ADCY8: variants seen among roughly 807,000 people sequenced by gnomAD.
ADCY8 encodes adenylate cyclase type 8.
A neutral mutation model predicts 119.7 loss-of-function variants in ADCY8; 51 were observed. The observed-to-expected ratio is 0.43, with a 90% confidence interval of 0.34 to 0.54. The LOEUF is 0.54. ADCY8 is among the 20% of genes least tolerant of loss of function. The pLI is 0.03. For missense variants in ADCY8, 1,383 were observed against 1,598.8 expected (o/e 0.87, Z 2.30); for synonymous variants, 665 against 651.0 (o/e 1.02, Z -0.33).
Position 130,909,940 on chromosome 8 carries a change from CTTTTTTT to C in ADCY8, c.1482-81_1482-75del. On this transcript the variant is annotated intron_variant, in intron 5 of 17. Coordinates refer to ENST00000286355, the MANE Select transcript of ADCY8 (RefSeq NM_001115.3). ...CATCGTTGGCTCTGCACTTTCTTTT[CTTTTTTT>C]TTTTTTTTGAGACGGAGTTTTGCTC... is the stretch of plus-strand genomic sequence containing the variant. 2.8e-6 allele frequency: 3 copies of C among 1,066,284 alleles called. No individual in the cohort carries two copies. The South Asian group carries it at 5.1e-5, about 18-fold the overall frequency. 66.1% of individuals were successfully genotyped at this position (1,066,284 alleles called of 1,614,324 possible). A position where few individuals can be genotyped will look rare whatever the true frequency, so the allele number is the denominator to read the frequency against.
At chr8:130,875,375 C>A (rs1818522019) in intron 8 of ADCY8, among the ~76,000 whole-genome samples, 1 of 152,120 alleles carries the variant, frequency 6.6e-6, no homozygotes, top group Non-Finnish European at 1.5e-5. Flanking sequence ...CTTTAAAAAT[C>A]ATTTTAACAA....
In ADCY8 at chr8:130,837,630, C is replaced by T. The variant is rs369627974; in HGVS notation, c.2503-1181G>A. 1.5e-4 allele frequency among the ~76,000 whole-genome samples: 23 copies of T among 152,334 alleles called. 2 individuals carry two copies. The East Asian group carries it at 2.3e-3, about 15-fold the overall frequency. On this transcript the variant is annotated intron_variant, in intron 11 of 17. Transcript: ENST00000286355. Reference sequence around the variant, plus strand: ...CCAGATTTCAGCCTTTTATGGGAAGCTCCCCAGCCTATTCCTTCCCTTAGA... The same window carrying T: ...CCAGATTTCAGCCTTTTATGGGAAGTTCCCCAGCCTATTCCTTCCCTTAGA...
intron 7 of ADCY8, among the ~76,000 whole-genome samples, chr8:130,891,115 C>G (rs1209140181): frequency 6.6e-6 from 1 of 152,118 alleles, no homozygotes; most frequent in East Asian, 1.9e-4. Context: ...TTTCCCCAAC[C>G]TATTCTGGGA....
At chr8:131,020,356 C>T (rs1045447996) in intron 1 of ADCY8, among the ~76,000 whole-genome samples, 3 of 152,054 alleles carry the variant, frequency 2.0e-5, no homozygotes, top group East Asian at 1.9e-4. Flanking sequence ...GGAGAAGACA[C>T]GGATTGGATG....
rs150604515 is a variant in ADCY8 at position 130,943,244 on chromosome 8, A to G, written c.1353+107T>C. On this transcript the variant is annotated intron_variant, in intron 4 of 17. Coordinates refer to ENST00000286355, the MANE Select transcript of ADCY8 (RefSeq NM_001115.3). ...GGGTCCATGCCTAGGGACAGGATGC[A>G]GAATGGTAATGACATTGGGGAAGAA... 9.4e-4 allele frequency: 718 copies of G among 761,610 alleles called. 5 individuals are homozygous for G. The African/African-American group carries it at 0.011, about 11-fold the overall frequency. 47.2% of individuals were successfully genotyped at this position (761,610 alleles called of 1,614,324 possible).
chr8:130,972,475 A>G (rs777062284), intron 2 of ADCY8, among the ~76,000 whole-genome samples: 12 of 152,214 alleles, frequency 7.9e-5, no homozygotes, highest in Non-Finnish European at 1.6e-4. Context: ...TAAGGAAAAA[A>G]CAATTTGCAA....
intron 8 of ADCY8, among the ~76,000 whole-genome samples, chr8:130,873,062 A>T (rs2130417249): frequency 6.6e-6 from 1 of 152,354 alleles, no homozygotes; most frequent in African/African-American, 2.4e-5. Flanking sequence ...CAGATTTCTT[A>T]TCCACAGAGA....
chr8:130,836,278 C>G lies in ADCY8; in HGVS notation c.2674G>C (p.Glu892Gln), dbSNP rs1352477365. The change falls in exon 12 of 18, where the codon GAA becomes CAA. Residue 892 changes from glutamate to glutamine, a missense_variant and splice_region_variant. This residue lies in a region of ADCY8 where 928 missense variants were observed against 1,163.5 expected (regional missense o/e 0.80). Transcript: ENST00000286355. ...GGACTCACGGTGGTGGGCACTTACT[C>G]TCCACTGTGGTTGAGGTTGTCATAA... is the stretch of plus-strand genomic sequence containing the variant. ...LRYDNLNHSGEDFLGTKEVSL... is the reference protein window; with the variant it reads ...LRYDNLNHSGQDFLGTKEVSL... The G allele has an allele frequency of 6.2e-7, 1 of 1,610,760 alleles. No homozygotes were observed. Among genetic ancestry groups the G allele is most frequent in the Admixed American group, 1.7e-5 (1 of 59,638 alleles).
At chr8:130,835,938 C>T (rs1816972080) in intron 12 of ADCY8, among the ~76,000 whole-genome samples, 1 of 152,146 alleles carries the variant, frequency 6.6e-6, no homozygotes, top group African/African-American at 2.4e-5. Flanking sequence ...TACACAGTGG[C>T]TGCTATTATT....
rs1324720190 is a variant in ADCY8 at position 130,871,480 on chromosome 8, C to T, written c.2110-3534G>A. On this transcript the variant is annotated intron_variant, in intron 8 of 17. Coordinates refer to ENST00000286355, the MANE Select transcript of ADCY8 (RefSeq NM_001115.3). ...AATAGGAATTATCTCATAAGGGTTA[C>T]TGGGAGAATGAAATGAGGTAATATA... Among the ~76,000 whole-genome samples the T allele has an allele frequency of 1.5e-4, 23 of 152,178 alleles. 1 individual carries two copies. Among genetic ancestry groups the T allele is most frequent in the Admixed American group, 1.5e-3 (23 of 15,282 alleles).
intron 14 of ADCY8, 109 bp from the exon 15 acceptor site, chr8:130,800,681 G>C: frequency 8.1e-7 from 1 of 1,240,562 alleles, no homozygotes; most frequent in Non-Finnish European, 1.1e-6. Context: ...CACCCACAGA[G>C]AGACAGAAAA....
chr8:130,819,281 G>A (rs1816437167), intron 13 of ADCY8, among the ~76,000 whole-genome samples: 1 of 152,126 alleles, frequency 6.6e-6, no homozygotes, highest in Non-Finnish European at 1.5e-5. Flanking sequence ...CCTTTTGAAA[G>A]TTAAAAATAA....
At chr8:130,984,489 T>C (rs1482892069) in intron 2 of ADCY8, among the ~76,000 whole-genome samples, 1 of 152,076 alleles carries the variant, frequency 6.6e-6, no homozygotes, top group Non-Finnish European at 1.5e-5. Context: ...GTTTTTTTTT[T>C]TTTTTAATTT....
At chr8:130,868,905 A>G (rs16904380) in intron 8 of ADCY8, among the ~76,000 whole-genome samples, 26,406 of 152,192 alleles carry the variant, frequency 0.17, 2,370 homozygotes, top group East Asian at 0.28. Flanking sequence ...CTTAGGCTCT[A>G]TGTCCACAAT....
intron 3 of ADCY8, among the ~76,000 whole-genome samples, chr8:130,951,247 G>A (rs957544337): frequency 3.3e-5 from 5 of 152,220 alleles, no homozygotes; most frequent in African/African-American, 9.7e-5. Context: ...CAAGGAATAG[G>A]CAGAATTGGG....
In ADCY8 at chr8:130,998,045, C is replaced by T. The variant is rs894576689; in HGVS notation, c.961-7503G>A. Among the ~76,000 whole-genome samples, 8 of 152,126 alleles carry T rather than the reference C, an allele frequency of 5.3e-5. No homozygotes were observed. The East Asian group carries it at 5.8e-4, about 11-fold the overall frequency. On this transcript the variant is annotated intron_variant, in intron 1 of 17. Transcript: ENST00000286355. ...AATCCATTTGAAATTATTTATGGAACGAGTTCTATGTGTCAGGCAGTTTTA... is the reference window on the plus strand; with the variant it reads ...AATCCATTTGAAATTATTTATGGAATGAGTTCTATGTGTCAGGCAGTTTTA...
At chr8:130,846,576 TCTTCCCCTCCCTC>T (rs1817306260) in intron 11 of ADCY8, among the ~76,000 whole-genome samples, 1 of 116,296 alleles carries the variant, frequency 8.6e-6, no homozygotes, top group African/African-American at 3.5e-5. Flanking sequence ...TCCTTCCCCT[TCTTCCCCTCCCTC>T]CCTTCCTTCC....
At chr8:130,955,394 C>T (rs773728002) in intron 2 of ADCY8, among the ~76,000 whole-genome samples, 1 of 152,042 alleles carries the variant, frequency 6.6e-6, no homozygotes, top group Non-Finnish European at 1.5e-5. Context: ...ACCCCAGAGC[C>T]AGTTGGAAGC....
At chr8:130,975,062 A>G (rs960925224) in intron 2 of ADCY8, among the ~76,000 whole-genome samples, 1 of 152,222 alleles carries the variant, frequency 6.6e-6, no homozygotes, top group Non-Finnish European at 1.5e-5. Context: ...GCTTCGATCT[A>G]TCAAGAGAGA....
Sources: allele counts gnomAD v4.1 joint callset (sites outside exome capture counted in the v4.1 genomes callset), GRCh38; gene constraint gnomAD v4.1.1; regional missense constraint gnomAD v4.1.1; transcripts MANE v1.5; gene names NCBI Gene and HGNC (gene_info 2026-07-23, HGNC 2026-07-21).